The following GAL3ST2 variants were observed in gnomAD, a reference collection of about 807,000 sequenced individuals.
The protein encoded by GAL3ST2 is beta-galactose-3-O-sulfotransferase 2.
GAL3ST2 carries 16 observed loss-of-function variants against 12.9 expected under a neutral mutation model. The observed-to-expected ratio is 1.24, with a 90% CI of 0.84 to 1.88. The LOEUF (loss-of-function observed/expected upper bound fraction) is 1.88. Ranked by LOEUF, GAL3ST2 falls within the 40% of genes most tolerant of loss-of-function variation. The probability of loss-of-function intolerance (pLI) is 0.00; values close to 1 mark genes in which losing one functional copy is unlikely to be tolerated. For synonymous variants in GAL3ST2, 302 were observed against 273.9 expected, an observed-to-expected ratio of 1.10 and a Z score of -1.01; for missense variants, 639 against 571.8, an observed-to-expected ratio of 1.12 and a Z score of -1.20.
In GAL3ST2 at chr2:241,793,691, GTATA is replaced by G. The variant is rs1397925823; in HGVS notation, c.30-5372_30-5369del. ...GTATGCACATATTGTGTATGTGTGT[GTATA>G]TGTGTATGTACGTATTGTGTATGCA... is the stretch of plus-strand genomic sequence containing the variant. On this transcript the variant is annotated intron_variant, in intron 1 of 3. Transcript: ENST00000192314. This position sits in a 1 kb window ranked among gnomAD's most constrained non-coding sequence, Gnocchi z 4.7. Among the ~76,000 whole-genome samples the G allele has an allele frequency of 5.3e-5, 8 of 151,506 alleles. No individual in the cohort carries two copies. The highest frequency in any genetic ancestry group is 5.3e-4 in the Admixed American group (8 of 15,222).
At chr2:241,791,746 G>A (rs1442663448) in intron 1 of GAL3ST2, among the ~76,000 whole-genome samples, 1 of 152,102 alleles carries the variant, frequency 6.6e-6, no homozygotes. Context: ...CAAATAATTA[G>A]GCCAAGTATA....
At chr2:241,794,234 C>T (rs1024013970) in intron 1 of GAL3ST2, among the ~76,000 whole-genome samples, 5 of 152,160 alleles carry the variant, frequency 3.3e-5, no homozygotes, top group Non-Finnish European at 5.9e-5. Flanking sequence ...AGGTGTGAGC[C>T]ACCACACCTG....
intron 1 of GAL3ST2, among the ~76,000 whole-genome samples, chr2:241,797,230 C>T (rs144916708): frequency 7.9e-5 from 12 of 152,292 alleles, no homozygotes; most frequent in Admixed American, 4.6e-4. Context: ...CTTGCTTAGA[C>T]GGCAGCCTCA....
chr2:241,779,075 A>G (rs7421513), intron 1 of GAL3ST2, among the ~76,000 whole-genome samples: 6,274 of 151,392 alleles, frequency 0.041, 351 homozygotes, highest in East Asian at 0.15. Flanking sequence ...ATTTCCCCCC[A>G]TTTTCTCTTT....
intron 1 of GAL3ST2, among the ~76,000 whole-genome samples, chr2:241,780,670 T>C (rs527872746): frequency 4.6e-5 from 7 of 152,366 alleles, no homozygotes; most frequent in East Asian, 3.9e-4. Flanking sequence ...ACTTTTTACA[T>C]AGGCTTTTAA....
In GAL3ST2 at chr2:241,804,072, G is replaced by C. The variant is rs1173865719; in HGVS notation, c.1103G>C (p.Arg368Thr). The C allele has an allele frequency of 6.5e-7, 1 of 1,546,928 alleles. No homozygotes were observed. The highest frequency in any genetic ancestry group is 8.7e-7 in the Non-Finnish European group (1 of 1,147,170). Residue 368 changes from arginine (R) to threonine (T), a missense_variant, in exon 4 of 4, where the codon AGG becomes ACG. Transcript: ENST00000192314. ...LDNQTLGVCQ[R>T]LVMPELQYMA... The stretch of plus-strand genomic sequence containing the variant: ...AACCAGACGCTGGGCGTGTGCCAGA[G>C]GCTTGTGATGCCTGAGCTCCAGTAC...
At chr2:241,779,324 C>T (rs779218284) in intron 1 of GAL3ST2, among the ~76,000 whole-genome samples, 1 of 147,716 alleles carries the variant, frequency 6.8e-6, no homozygotes, top group Admixed American at 6.9e-5. Flanking sequence ...AGCTCCGCCT[C>T]CCGGGTTCAC....
rs868253760 is a variant in GAL3ST2, at chr2:241,802,087, T to C, written c.375+51T>C. On this transcript the variant is annotated intron_variant, in intron 3 of 3. Coordinates refer to ENST00000192314, the MANE Select transcript of GAL3ST2 (RefSeq NM_022134.3). This position sits in a 1 kb window ranked among gnomAD's most constrained non-coding sequence, Gnocchi z 4.8. ...GGCGGGCTGCAGCCGTGCCTGTGGCTGTGGGTCTGGGTGGTGTAGCCTGGA... is the reference window on the plus strand; with the variant it reads ...GGCGGGCTGCAGCCGTGCCTGTGGCCGTGGGTCTGGGTGGTGTAGCCTGGA... 2.3e-5 allele frequency: 35 copies of C among 1,551,144 alleles called. No homozygotes were observed. The highest frequency in any genetic ancestry group is 2.4e-5 in the South Asian group (2 of 82,794).
rs74704923 is a variant in GAL3ST2 at position 241,800,117 on chromosome 2, G to A, written c.119+963G>A. Among the ~76,000 whole-genome samples, 2,689 of 152,322 alleles carry A rather than the reference G, an allele frequency of 0.018. 135 individuals carry two copies. The highest frequency in any genetic ancestry group is 0.11 in the East Asian group (568 of 5,182). ...TGTAGCCCCCGAGGGAAACAGGGAT[G>A]GGTCTGAGGACACTGTCTCCGTGGG... is the stretch of plus-strand genomic sequence containing the variant. On this transcript the variant is annotated intron_variant, in intron 2 of 3. Transcript: ENST00000192314. The surrounding 1 kb of genome is among the most constrained non-coding windows in gnomAD (Gnocchi z 5.2).
chr2:241,784,886 A>G lies in GAL3ST2; in HGVS notation c.29+7902A>G, dbSNP rs1055410022. ...AAAATCAAATAGCAAAATTTACAAC[A>G]TATGATATGGAGAGAACAAGTCTGG... is the stretch of plus-strand genomic sequence containing the variant. On this transcript the variant is annotated intron_variant, in intron 1 of 3. Transcript: ENST00000192314. 2.6e-5 allele frequency among the ~76,000 whole-genome samples: 4 copies of G among 152,252 alleles called. No homozygotes were observed. The South Asian group carries it at 8.3e-4, about 32-fold the overall frequency.
At chr2:241,780,152 C>G (rs1699549292) in intron 1 of GAL3ST2, among the ~76,000 whole-genome samples, 1 of 152,192 alleles carries the variant, frequency 6.6e-6, no homozygotes, top group Non-Finnish European at 1.5e-5. Flanking sequence ...TCAGTCCAAA[C>G]TGCAGAAAAT....
rs1699895214 is a variant in GAL3ST2 at position 241,803,895 on chromosome 2, G to A, written c.926G>A (p.Arg309Gln). Residue 309 changes from arginine (R) to glutamine (Q), a missense_variant, in exon 4 of 4, where the codon CGG (arginine) becomes CAG (glutamine). Physicochemically the swap from Arg to Gln is conservative, Grantham distance 43 (BLOSUM62 1). Transcript: ENST00000192314. ...CGGCGGCTGCGCGGGGAGGTGGAGC[G>A]GCTGCGCGCCCGGAGGCGCGAACTC... Reference protein sequence around the residue: ...GPRRLRGEVERLRARRRELAS... With the variant: ...GPRRLRGEVEQLRARRRELAS... 1 of 1,416,006 alleles carries A rather than the reference G, an allele frequency of 7.1e-7. No homozygotes were observed. Among genetic ancestry groups the A allele is most frequent in the Non-Finnish European group, 9.1e-7 (1 of 1,093,086 alleles). The allele number at this position is 1,416,006 out of a possible 1,614,324, so 87.7% of individuals were successfully genotyped here.
At chr2:241,798,775 C>T (rs140421482) in intron 1 of GAL3ST2, among the ~76,000 whole-genome samples, 6 of 152,270 alleles carry the variant, frequency 3.9e-5, no homozygotes, top group Non-Finnish European at 7.4e-5. Context: ...CCCAGGAGCG[C>T]GGCCCTGTCA....
Position 241,804,122 on chromosome 2 carries a change from T to C in GAL3ST2, c.1153T>C (p.Phe385Leu). The change falls in exon 4 of 4, where the codon TTC (phenylalanine) becomes CTC (leucine). Residue 385 changes from phenylalanine (F) to leucine (L), a missense_variant. Transcript: ENST00000192314. ...CATGGCCCGCCTGTACGCCCTGCAGTTCCCGGAGAAGCCCCTCAAGAACAT... is the reference window on the plus strand; with the variant it reads ...CATGGCCCGCCTGTACGCCCTGCAGCTCCCGGAGAAGCCCCTCAAGAACAT... The part of the protein sequence containing the change: ...QYMARLYALQ[F>L]PEKPLKNIPF... The C allele has an allele frequency of 6.7e-7, 1 of 1,496,378 alleles. No individual in the cohort carries two copies. Among genetic ancestry groups the C allele is most frequent in the East Asian group, 2.8e-5 (1 of 35,810 alleles). 92.7% of individuals were successfully genotyped at this position (1,496,378 alleles called of 1,614,324 possible). A position where few individuals can be genotyped will look rare whatever the true frequency, so the allele number is the denominator to read the frequency against.
chr2:241,781,831 A>T (rs2125189264), intron 1 of GAL3ST2, among the ~76,000 whole-genome samples: 1 of 152,364 alleles, frequency 6.6e-6, no homozygotes, highest in African/African-American at 2.4e-5. Context: ...GTAATTTATA[A>T]TTTGATTTTG....
At chr2:241,794,127 C>T (rs1411333346) in intron 1 of GAL3ST2, among the ~76,000 whole-genome samples, 1 of 151,888 alleles carries the variant, frequency 6.6e-6, no homozygotes, top group Non-Finnish European at 1.5e-5. Flanking sequence ...TTGTATTTTT[C>T]GTAGAGATGG....
Position 241,801,744 on chromosome 2 carries a change from C to A in GAL3ST2, c.120-37C>A. The A allele has an allele frequency of 1.3e-6, 2 of 1,597,856 alleles. No homozygotes were observed. Among genetic ancestry groups the A allele is most frequent in the South Asian group, 1.1e-5 (1 of 89,466 alleles). The stretch of plus-strand genomic sequence containing the variant: ...TGTTGGGCGGGGGTTGGGGCATCTG[C>A]ACCCTTGCTGAAGGCTGCGTGTGCC... On this transcript the variant is annotated intron_variant, in intron 2 of 3. Transcript: ENST00000192314. This position sits in a 1 kb window ranked among gnomAD's most constrained non-coding sequence, Gnocchi z 4.4.
At chr2:241,777,415 C>G (rs1699501822) in intron 1 of GAL3ST2, among the ~76,000 whole-genome samples, 2 of 152,064 alleles carry the variant, frequency 1.3e-5, no homozygotes, top group Admixed American at 1.3e-4. Context: ...TCAGGATGCT[C>G]CCGGGGCTCT....
Position 241,803,328 on chromosome 2 carries a change from T to C in GAL3ST2, c.376-17T>C. ...CTGGGCCCGCGGTCCGCAGCCCGCC[T>C]CTCTGTCGCCACACAGGTGCAGAAA... is the stretch of plus-strand genomic sequence containing the variant. On this transcript the variant is annotated splice_polypyrimidine_tract_variant and intron_variant, in intron 3 of 3. Transcript: ENST00000192314. The C allele has an allele frequency of 1.3e-6, 2 of 1,572,738 alleles. No homozygotes were observed. Among genetic ancestry groups the C allele is most frequent in the South Asian group, 2.3e-5 (2 of 85,596 alleles).
Sources: gnomAD v4.1 joint callset for allele counts (sites outside exome capture counted in the v4.1 genomes callset) on GRCh38, gnomAD v4.1.1 for gene constraint, Gnocchi (gnomAD v3.1) non-coding constraint, MANE v1.5 for transcripts, NCBI Gene and HGNC (gene_info 2026-07-23, HGNC 2026-07-21) for gene names.